The following CAST variants were observed in gnomAD, a reference collection of about 807,000 sequenced individuals.
The protein encoded by CAST is MIR583 host.
CAST carries 76 observed loss-of-function variants against 119.6 expected under a neutral mutation model. That is an observed-to-expected ratio of 0.64 (90% confidence interval 0.53 to 0.77). CAST has a LOEUF of 0.77. CAST is among the 30% of genes least tolerant of loss of function. The pLI, the probability that CAST is intolerant of heterozygous loss-of-function variation, is 0.00. For synonymous variants in CAST, 319 were observed against 331.6 expected (o/e 0.96, Z 0.41); for missense variants, 953 against 946.5 (o/e 1.01, Z -0.09).
the CAST span, among the ~76,000 whole-genome samples, chr5:96,506,419 A>G: frequency 6.6e-6 from 1 of 152,228 alleles, no homozygotes. Flanking sequence ...CCTTACTATA[A>G]GAGTATTAGC....
chr5:96,143,148 T>G, the CAST span, among the ~76,000 whole-genome samples: 1 of 152,212 alleles, frequency 6.6e-6, no homozygotes, highest in South Asian at 2.1e-4. Flanking sequence ...ATGACCATAA[T>G]AAGAAGTAAT....
intron 1 of CAST, among the ~76,000 whole-genome samples, chr5:96,588,577 A>C (rs1254188846): frequency 6.6e-6 from 1 of 152,096 alleles, no homozygotes; most frequent in Non-Finnish European, 1.5e-5. Context: ...TAATTCTTCA[A>C]ATACACTTTT....
At chr5:96,577,732 C>T (rs900681021) in intron 1 of CAST, among the ~76,000 whole-genome samples, 11 of 152,122 alleles carry the variant, frequency 7.2e-5, no homozygotes, top group African/African-American at 9.7e-5. Flanking sequence ...CTATTATCAA[C>T]ATACTCTGTA....
intron 16 of CAST, 125 bp downstream of exon 16, chr5:96,742,881 T>A (rs1166536756): frequency 2.8e-6 from 2 of 707,072 alleles, no homozygotes; most frequent in Non-Finnish European, 5.0e-6. Flanking sequence ...TTCTTCATTG[T>A]GCCTTATTTA....
chr5:96,491,510 A>AAAAAAAAC, the CAST span, among the ~76,000 whole-genome samples: 1 of 128,232 alleles, frequency 7.8e-6, no homozygotes, highest in Non-Finnish European at 1.7e-5. Flanking sequence ...AAAAAAAAAA[A>AAAAAAAAC]AAAAAAAAAA....
At chr5:95,961,708 C>A in the CAST span, 1 of 1,605,484 alleles carries the variant, frequency 6.2e-7, no homozygotes, top group Admixed American at 1.7e-5. Context: ...GCCCCCTGTC[C>A]CCCCCGCCGC....
chr5:96,758,278 C>T (rs1310315282), intron 24 of CAST, among the ~76,000 whole-genome samples: 1 of 152,180 alleles, frequency 6.6e-6, no homozygotes, highest in Non-Finnish European at 1.5e-5. Context: ...TCCCAAATTG[C>T]CTCCTAAGGG....
chr5:96,619,617 C>G (rs149400835), intron 1 of CAST, among the ~76,000 whole-genome samples: 3 of 152,210 alleles, frequency 2.0e-5, no homozygotes, highest in Admixed American at 6.5e-5. Context: ...TGAGCTGTAA[C>G]GCTCACTGCG....
At chr5:96,682,784 T>C (rs1751598657) in intron 2 of CAST, among the ~76,000 whole-genome samples, 1 of 152,214 alleles carries the variant, frequency 6.6e-6, no homozygotes, top group East Asian at 1.9e-4. Flanking sequence ...AAATCCCCAC[T>C]ACCTAGTGGA....
chr5:95,976,360 G>A, the CAST span, among the ~76,000 whole-genome samples: 2 of 151,974 alleles, frequency 1.3e-5, no homozygotes, highest in Non-Finnish European at 2.9e-5. Context: ...TAGCAACGGG[G>A]AGTCAGATTT....
chr5:96,099,924 TC>T, the CAST span, among the ~76,000 whole-genome samples: 27 of 152,214 alleles, frequency 1.8e-4, 1 homozygote, highest in African/African-American at 6.3e-4. Flanking sequence ...TCTATGTATA[TC>T]TGGTAGAATT....
chr5:96,046,461 A>G, the CAST span, among the ~76,000 whole-genome samples: 1 of 152,178 alleles, frequency 6.6e-6, no homozygotes, highest in Admixed American at 6.5e-5. Context: ...TCCACATTCC[A>G]TCTTCACTCC....
chr5:96,475,819 T>TGGCA, the CAST span, among the ~76,000 whole-genome samples: 2 of 152,260 alleles, frequency 1.3e-5, no homozygotes, highest in South Asian at 4.1e-4. Flanking sequence ...CAAGAGTAGG[T>TGGCA]GGCAGCTCAC....
At chr5:96,467,770 A>G in the CAST span, among the ~76,000 whole-genome samples, 2 of 152,098 alleles carry the variant, frequency 1.3e-5, no homozygotes, top group Non-Finnish European at 2.9e-5. Context: ...AAGGAACACA[A>G]ATGCACTGCT....
the CAST span, among the ~76,000 whole-genome samples, chr5:96,064,624 C>G: frequency 2.6e-5 from 4 of 152,044 alleles, no homozygotes; most frequent in Non-Finnish European, 4.4e-5. Context: ...TGCTGTCTGT[C>G]CAGTTATGAA....
At chr5:96,390,295 A>T in the CAST span, 1 of 152,232 alleles carries the variant, frequency 6.6e-6, no homozygotes, top group Non-Finnish European at 1.5e-5. Flanking sequence ...TCTTTTGTAT[A>T]GTCCATTTGG....
intron 15 of CAST, chr5:96,741,789 A>C: frequency 2.0e-6 from 1 of 505,972 alleles, no homozygotes; most frequent in African/African-American, 1.9e-5. Flanking sequence ...TGATTTTAGC[A>C]CAGTTGTCTC....
At chr5:96,189,275 G>A in the CAST span, among the ~76,000 whole-genome samples, 6 of 152,116 alleles carry the variant, frequency 3.9e-5, no homozygotes, top group Non-Finnish European at 8.8e-5. Flanking sequence ...GATTTGGTGA[G>A]GGGGAGGGCT....
intron 1 of CAST, among the ~76,000 whole-genome samples, chr5:96,572,382 G>T (rs186919762): frequency 6.6e-6 from 1 of 152,054 alleles, no homozygotes; most frequent in East Asian, 1.9e-4. Context: ...TGTATTTTTG[G>T]TAGAGACGGG....
Sources: allele counts gnomAD v4.1 joint callset (sites outside exome capture counted in the v4.1 genomes callset), GRCh38; gene constraint gnomAD v4.1.1; transcripts MANE v1.5; gene names NCBI Gene and HGNC (gene_info 2026-07-23, HGNC 2026-07-21).